VPS41: variants seen among roughly 807,000 people sequenced by gnomAD.
The protein encoded by VPS41 is vacuolar protein sorting-associated protein 41 homolog.
A neutral mutation model predicts 130.9 loss-of-function variants in VPS41; 85 were observed. The ratio of observed to expected loss-of-function variants is 0.65; its 90% CI spans 0.55 to 0.78. The LOEUF is 0.78. VPS41 is among the 30% of genes least tolerant of loss of function. VPS41 has a pLI of 0.00. For synonymous variants in VPS41, 335 were observed against 332.9 expected, an observed-to-expected ratio of 1.01 and a Z score of -0.07; for missense variants, 874 against 1,018.7, an observed-to-expected ratio of 0.86 and a Z score of 1.93.
intron 7 of VPS41, among the ~76,000 whole-genome samples, chr7:38,799,551 A>T (rs1356942668): frequency 6.6e-6 from 1 of 152,202 alleles, no homozygotes; most frequent in Non-Finnish European, 1.5e-5. Flanking sequence ...GAGGGATACG[A>T]AAGGAGAACT....
intron 11 of VPS41, among the ~76,000 whole-genome samples, chr7:38,776,055 G>C (rs891663084): frequency 6.6e-6 from 1 of 152,112 alleles, no homozygotes; most frequent in Non-Finnish European, 1.5e-5. Flanking sequence ...TTCAAAGGGA[G>C]ACTGGGTGTG....
At chr7:38,752,435 G>A (rs555467693) in intron 21 of VPS41, 122 bp from the exon 22 acceptor site, 4 of 1,170,488 alleles carry the variant, frequency 3.4e-6, no homozygotes, top group South Asian at 3.0e-5. Context: ...CAGTCTTCAG[G>A]GAAAACCTCT....
In VPS41 at chr7:38,723,746, A is replaced by AAAAAAAAAAAAAAAAAAAAAAT. The variant is rs1795483328; in HGVS notation, c.*2499_*2500insATTTTTTTTTTTTTTTTTTTTT. ...CTCAAAAAAAAAAAAAAAAAAAAAAAAAAAAAGAATAGCTTATGAAGTGTG... is the reference window on the plus strand; with the variant it reads ...CTCAAAAAAAAAAAAAAAAAAAAAAAAAAAAAAAAAAAAAAAAAAAATAAAAAAGAATAGCTTATGAAGTGTG... On this transcript the variant is annotated 3_prime_UTR_variant, in exon 29 of 29. Transcript: ENST00000310301. 1 of 149,664 alleles carries AAAAAAAAAAAAAAAAAAAAAAT rather than the reference A, an allele frequency of 6.7e-6. No individual in the cohort carries two copies. The highest frequency in any genetic ancestry group is 2.5e-5 in the African/African-American group (1 of 40,340). 9.3% of individuals were successfully genotyped at this position (149,664 alleles called of 1,614,324 possible).
chr7:38,813,940 A>G (rs541380381), intron 7 of VPS41, among the ~76,000 whole-genome samples: 1 of 152,372 alleles, frequency 6.6e-6, no homozygotes, highest in African/African-American at 2.4e-5. Flanking sequence ...TCAAGTAGTC[A>G]GTGACAACCA....
chr7:38,742,182 C>A, intron 24 of VPS41, 61 bp from the exon 25 acceptor site: 1 of 1,472,914 alleles, frequency 6.8e-7, no homozygotes, highest in Non-Finnish European at 9.1e-7. Flanking sequence ...ATTTTATTTG[C>A]ACATAATTTG....
chr7:38,832,487 T>C (rs971659888), intron 4 of VPS41, among the ~76,000 whole-genome samples: 3 of 151,972 alleles, frequency 2.0e-5, no homozygotes, highest in African/African-American at 4.8e-5. Flanking sequence ...TCCAGCTAAT[T>C]TTCACATAAC....
At chr7:38,788,757 C>G (rs1217239694) in intron 10 of VPS41, among the ~76,000 whole-genome samples, 2 of 152,082 alleles carry the variant, frequency 1.3e-5, no homozygotes, top group African/African-American at 4.8e-5. Flanking sequence ...ACTAAGCAAT[C>G]TGAACTATGT....
In VPS41 at chr7:38,880,884, GAA is replaced by G. The variant is rs1247167727; in HGVS notation, c.61-11633_61-11632del. 3.3e-5 allele frequency among the ~76,000 whole-genome samples: 5 copies of G among 152,294 alleles called. No homozygotes were observed. In the South Asian group the frequency reaches 8.3e-4, roughly 25 times the overall value. ...TAAACACACTCTTGAACAATCATCA[GAA>G]AAGACACATTTTTATAAATACAGCT... On this transcript the variant is annotated intron_variant, in intron 2 of 28. Transcript: ENST00000310301.
At chr7:38,881,833 C>G (rs573750469) in intron 2 of VPS41, among the ~76,000 whole-genome samples, 7 of 152,074 alleles carry the variant, frequency 4.6e-5, no homozygotes, top group Non-Finnish European at 1.0e-4. Flanking sequence ...CATTCACTGA[C>G]GAGCAGCTCT....
chr7:38,813,343 T>C (rs1784980513), intron 7 of VPS41, among the ~76,000 whole-genome samples: 1 of 152,058 alleles, frequency 6.6e-6, no homozygotes, highest in Non-Finnish European at 1.5e-5. Flanking sequence ...AGATTAGTGG[T>C]TGCCTAGGGA....
rs772162478 is a variant in VPS41 at position 38,767,557 on chromosome 7, T to G, written c.1227A>C (p.Gly409=). Residue 409 remains glycine (G), a synonymous_variant, in exon 15 of 29, where the codon GGA becomes GGC. Coordinates refer to ENST00000310301, the MANE Select transcript of VPS41 (RefSeq NM_014396.4). The stretch of plus-strand genomic sequence containing the variant: ...ATTACCGTGCTGCTATGTCATAGTC[T>G]CCTCTCTCCACCAGGTGATTTATAT... ...LAYINHLVER[G]DYDIAARKCQ... 53 of 1,609,350 alleles carry G rather than the reference T, an allele frequency of 3.3e-5. No individual in the cohort carries two copies. The highest frequency in any genetic ancestry group is 4.0e-5 in the Non-Finnish European group (47 of 1,177,030).
chr7:38,747,824 G>A (rs1440771605), intron 22 of VPS41, among the ~76,000 whole-genome samples: 1 of 152,192 alleles, frequency 6.6e-6, no homozygotes, highest in Non-Finnish European at 1.5e-5. Flanking sequence ...CATTTCCATT[G>A]CTGTAGAATA....
At chr7:38,869,468 A>G (rs1786300821) in intron 2 of VPS41, among the ~76,000 whole-genome samples, 1 of 152,232 alleles carries the variant, frequency 6.6e-6, no homozygotes, top group Admixed American at 6.5e-5. Context: ...GTTGAAAACA[A>G]GAGTATACAG....
intron 25 of VPS41, among the ~76,000 whole-genome samples, chr7:38,737,688 G>A (rs2286107): frequency 0.28 from 43,206 of 152,030 alleles, 6,947 homozygotes; most frequent in Non-Finnish European, 0.38. Context: ...ACAAATATGG[G>A]GGTCGATCAC....
At chr7:38,885,335 T>A (rs911463553) in intron 2 of VPS41, among the ~76,000 whole-genome samples, 1 of 152,252 alleles carries the variant, frequency 6.6e-6, no homozygotes, top group African/African-American at 2.4e-5. Flanking sequence ...CAGGATTTTT[T>A]AAAAAATACT....
chr7:38,908,744 A>G (rs1169647274), intron 1 of VPS41, among the ~76,000 whole-genome samples: 2 of 152,010 alleles, frequency 1.3e-5, no homozygotes, highest in Non-Finnish European at 2.9e-5. Context: ...ACAAAACAAA[A>G]CTCATCGTCT....
chr7:38,883,411 C>T (rs1273666255), intron 2 of VPS41, among the ~76,000 whole-genome samples: 2 of 152,134 alleles, frequency 1.3e-5, no homozygotes, highest in Admixed American at 1.3e-4. Context: ...ACAGTGTTTG[C>T]TCTTCCTTTT....
At chr7:38,881,225 C>A (rs1278273859) in intron 2 of VPS41, among the ~76,000 whole-genome samples, 1 of 152,184 alleles carries the variant, frequency 6.6e-6, no homozygotes, top group Non-Finnish European at 1.5e-5. Flanking sequence ...GAATCCCTTT[C>A]CTCTCCTTTT....
intron 2 of VPS41, among the ~76,000 whole-genome samples, chr7:38,895,984 G>A (rs1423479327): frequency 1.3e-5 from 2 of 152,108 alleles, no homozygotes; most frequent in Non-Finnish European, 2.9e-5. Context: ...CAGCTCCAGC[G>A]TCAACTCCAG....
Sources: allele counts gnomAD v4.1 joint callset (sites outside exome capture counted in the v4.1 genomes callset), GRCh38; gene constraint gnomAD v4.1.1; transcripts MANE v1.5; gene names NCBI Gene and HGNC (gene_info 2026-07-23, HGNC 2026-07-21).